Variants in PIGF observed in about 807,000 individuals in gnomAD.
PIGF encodes the protein GPI ethanolamine phosphate transferase, stabilizing subunit.
A neutral mutation model predicts 26.0 loss-of-function variants in PIGF; 23 were observed. The observed-to-expected ratio is 0.88, with a 90% CI of 0.64 to 1.25. The LOEUF is 1.25. PIGF is among the 50% of genes most tolerant of loss of function. PIGF has a pLI of 0.00. For missense variants in PIGF, 278 were observed against 249.9 expected (o/e 1.11, Z -0.76); for synonymous variants, 93 against 92.6 (o/e 1.00, Z -0.03).
At chr2:46,598,608 C>G (rs1480873740) in intron 4 of PIGF, among the ~76,000 whole-genome samples, 5 of 131,392 alleles carry the variant, frequency 3.8e-5, no homozygotes, top group Non-Finnish European at 7.8e-5. Context: ...CAAGACAATT[C>G]TTTCCTTCCA....
chr2:46,612,550 T>C (rs1037997838), intron 3 of PIGF, among the ~76,000 whole-genome samples: 2 of 152,334 alleles, frequency 1.3e-5, no homozygotes, highest in African/African-American at 2.4e-5. Context: ...TTCGCTTTAA[T>C]GATAGATTTC....
At chr2:46,599,177 C>T (rs1669981405) in intron 4 of PIGF, among the ~76,000 whole-genome samples, 1 of 152,162 alleles carries the variant, frequency 6.6e-6, no homozygotes, top group South Asian at 2.1e-4. Context: ...CTGGGGACAG[C>T]TAGAATAGCT....
chr2:46,606,291 CAT>C (rs1670219766), intron 4 of PIGF, among the ~76,000 whole-genome samples: 1 of 152,208 alleles, frequency 6.6e-6, no homozygotes, highest in Non-Finnish European at 1.5e-5. Context: ...CAGTTTCTCA[CAT>C]ATCCTTCCAG....
At chr2:46,583,109 A>C (rs1669456026) in intron 5 of PIGF, 1 of 152,058 alleles carries the variant, frequency 6.6e-6, no homozygotes, top group African/African-American at 2.4e-5. Flanking sequence ...ACTATTACAC[A>C]TTTCCAACTT....
intron 4 of PIGF, among the ~76,000 whole-genome samples, chr2:46,596,212 CAA>C (rs544010392): frequency 2.4e-4 from 25 of 102,780 alleles, no homozygotes; most frequent in Admixed American, 3.3e-4. Context: ...GACCCCATCT[CAA>C]AAAAAAAAAA....
intron 5 of PIGF, chr2:46,592,071 G>T: frequency 2.3e-6 from 2 of 871,030 alleles, no homozygotes; most frequent in Non-Finnish European, 1.6e-6. Flanking sequence ...TCCTATACTG[G>T]CTGGGCTCGG....
intron 5 of PIGF, among the ~76,000 whole-genome samples, chr2:46,584,472 G>A (rs757638407): frequency 2.0e-5 from 3 of 152,088 alleles, no homozygotes; most frequent in African/African-American, 7.2e-5. Context: ...TGTAATTTCA[G>A]TATGGCTCTT....
chr2:46,603,075 A>G (rs1223210728), intron 4 of PIGF, among the ~76,000 whole-genome samples: 2 of 152,056 alleles, frequency 1.3e-5, no homozygotes, highest in Non-Finnish European at 2.9e-5. Context: ...ACAGCAAATA[A>G]TCTGAAAAAG....
chr2:46,603,985 T>C (rs1474869553), intron 4 of PIGF, among the ~76,000 whole-genome samples: 1 of 151,858 alleles, frequency 6.6e-6, no homozygotes, highest in Non-Finnish European at 1.5e-5. Context: ...AACCAGACTA[T>C]ATAGAGAGCT....
chr2:46,599,775 ACTTT>A (rs1669998259), intron 4 of PIGF, among the ~76,000 whole-genome samples: 1 of 151,958 alleles, frequency 6.6e-6, no homozygotes, highest in African/African-American at 2.4e-5. Flanking sequence ...CTAGGGTAGC[ACTTT>A]CTTTCAGGCC....
At chr2:46,600,592 A>C (rs1052443656) in intron 4 of PIGF, among the ~76,000 whole-genome samples, 1 of 152,182 alleles carries the variant, frequency 6.6e-6, no homozygotes, top group Non-Finnish European at 1.5e-5. Context: ...CTCAATGATT[A>C]GGAAAACTCA....
intron 4 of PIGF, among the ~76,000 whole-genome samples, chr2:46,609,071 T>C (rs946341408): frequency 2.0e-5 from 3 of 152,276 alleles, no homozygotes; most frequent in African/African-American, 7.2e-5. Flanking sequence ...CTTCTTTCAA[T>C]AGAAGGCTGT....
At chr2:46,598,496 A>C (rs1669956602) in intron 4 of PIGF, among the ~76,000 whole-genome samples, 1 of 149,552 alleles carries the variant, frequency 6.7e-6, no homozygotes, top group Admixed American at 6.6e-5. Context: ...GTGGCCCAAC[A>C]CAAATTCATA....
chr2:46,581,706 A>C (rs1669383795), intron 5 of PIGF, 115 bp from the exon 6 acceptor site: 2 of 1,424,930 alleles, frequency 1.4e-6, no homozygotes, highest in Admixed American at 4.7e-5. Flanking sequence ...AAAGAATGCC[A>C]AAAGTGTAAT....
chr2:46,592,682 T>C, intron 4 of PIGF, 99 bp from the exon 5 acceptor site: 1 of 625,980 alleles, frequency 1.6e-6, no homozygotes, highest in Non-Finnish European at 3.0e-6. Flanking sequence ...ATATATTTCC[T>C]GCTAATTTAA....
chr2:46,608,587 C>CTA (rs1483414481), intron 4 of PIGF, among the ~76,000 whole-genome samples: 7 of 152,176 alleles, frequency 4.6e-5, no homozygotes, highest in Admixed American at 2.0e-4. Flanking sequence ...TCTATGGCAG[C>CTA]TATAGCCTTA....
At chr2:46,616,892 T>A in intron 1 of PIGF, 78 bp downstream of exon 1, 3 of 368,758 alleles carry the variant, frequency 8.1e-6, no homozygotes, top group South Asian at 7.5e-5. Context: ...GCGCCAAGGC[T>A]CAGGGCTGCT....
In PIGF at chr2:46,581,391, G is replaced by C; in HGVS notation, c.*87C>G. The C allele has an allele frequency of 1.3e-6, 2 of 1,529,054 alleles. No individual in the cohort carries two copies. The highest frequency in any genetic ancestry group is 1.8e-6 in the Non-Finnish European group (2 of 1,134,836). 94.7% of individuals were successfully genotyped at this position (1,529,054 alleles called of 1,614,324 possible). On this transcript the variant is annotated 3_prime_UTR_variant, in exon 6 of 6. Transcript: ENST00000281382. ...TTGTAACTACGTAAAAAACAGAGCT[G>C]TAAATGGAACTGCTTGGCTTTGACC...
At chr2:46,609,415 C>G (rs1670332041) in intron 4 of PIGF, among the ~76,000 whole-genome samples, 1 of 152,236 alleles carries the variant, frequency 6.6e-6, no homozygotes, top group Non-Finnish European at 1.5e-5. Context: ...GGCTGTTCCA[C>G]TTTCTTGTCA....
Sources: gnomAD v4.1 joint callset for allele counts (sites outside exome capture counted in the v4.1 genomes callset) on GRCh38, gnomAD v4.1.1 for gene constraint, MANE v1.5 for transcripts, NCBI Gene and HGNC (gene_info 2026-07-23, HGNC 2026-07-21) for gene names.